C2CD3: variants seen among roughly 807,000 people sequenced by gnomAD.
C2CD3 encodes the protein C2 domain-containing protein 3.
A neutral mutation model predicts 234.0 loss-of-function variants in C2CD3; 148 were observed. The ratio of observed to expected loss-of-function variants is 0.63; its 90% confidence interval spans 0.55 to 0.72. The LOEUF (loss-of-function observed/expected upper bound fraction) is 0.72. Among genes scored for constraint, C2CD3 ranks in the 30% least tolerant of loss-of-function variants. The probability of loss-of-function intolerance (pLI) is 0.00; values close to 1 mark genes in which losing one functional copy is unlikely to be tolerated. For missense variants in C2CD3, 2,577 were observed against 2,811.5 expected (o/e 0.92, Z 1.89); for synonymous variants, 1,000 against 1,035.4 (o/e 0.97, Z 0.66).
chr11:74,116,939 C>CAT, intron 9 of C2CD3, among the ~76,000 whole-genome samples: 1 of 110,964 alleles, frequency 9.0e-6, no homozygotes, highest in Non-Finnish European at 1.8e-5. Flanking sequence ...TGTATATACA[C>CAT]ATATACACGT....
intron 32 of C2CD3, among the ~76,000 whole-genome samples, chr11:74,025,035 A>C (rs1415910517): frequency 6.6e-6 from 1 of 152,192 alleles, no homozygotes; most frequent in Non-Finnish European, 1.5e-5. Context: ...AAGGCTGAAA[A>C]GTATTATCTT....
intron 15 of C2CD3, among the ~76,000 whole-genome samples, chr11:74,100,246 T>C (rs561404050): frequency 1.3e-5 from 2 of 152,232 alleles, no homozygotes; most frequent in African/African-American, 4.8e-5. Context: ...TTAACTCATC[T>C]GTACAAAAAA....
chr11:74,099,405 A>G (rs1373653011), intron 15 of C2CD3, among the ~76,000 whole-genome samples: 1 of 152,192 alleles, frequency 6.6e-6, no homozygotes, highest in African/African-American at 2.4e-5. Flanking sequence ...TTAAAGGACA[A>G]ATTTCTTCAT....
intron 26 of C2CD3, among the ~76,000 whole-genome samples, chr11:74,051,399 A>G (rs1407584196): frequency 6.6e-6 from 1 of 152,166 alleles, no homozygotes; most frequent in Non-Finnish European, 1.5e-5. Flanking sequence ...ATTCTTACCC[A>G]CTGGGGATGA....
intron 26 of C2CD3, 136 bp downstream of exon 26, chr11:74,054,471 A>G: frequency 1.8e-6 from 1 of 546,818 alleles, no homozygotes; most frequent in South Asian, 2.9e-5. Context: ...ACATATCTGC[A>G]TTCCCAGCAC....
At chr11:74,045,087 T>A in intron 28 of C2CD3, among the ~76,000 whole-genome samples, 1 of 152,184 alleles carries the variant, frequency 6.6e-6, no homozygotes. Flanking sequence ...CATTTGAAGT[T>A]AATTTTTGTG....
At chr11:74,083,550 A>C (rs913935671) in intron 22 of C2CD3, among the ~76,000 whole-genome samples, 2 of 152,224 alleles carry the variant, frequency 1.3e-5, no homozygotes, top group Non-Finnish European at 2.9e-5. Context: ...CCATCTGACA[A>C]AGGGCTAATA....
At chr11:74,053,898 CGGCAGGAGAT>C (rs1953821731) in intron 26 of C2CD3, among the ~76,000 whole-genome samples, 1 of 120,560 alleles carries the variant, frequency 8.3e-6, no homozygotes, top group African/African-American at 6.9e-5. Context: ...CAGGAGATTG[CGGCAGGAGAT>C]TGCTTGAGCC....
intron 4 of C2CD3, 38 bp from the exon 5 acceptor site, chr11:74,139,005 A>C (rs1009689413): frequency 6.5e-7 from 1 of 1,541,356 alleles, no homozygotes; most frequent in East Asian, 2.2e-5. Flanking sequence ...GCAATATATA[A>C]TCTATTATGG....
intron 2 of C2CD3, among the ~76,000 whole-genome samples, chr11:74,167,738 A>T (rs2135577370): frequency 6.6e-6 from 1 of 152,400 alleles, no homozygotes; most frequent in East Asian, 1.9e-4. Context: ...GAAGTAACAT[A>T]GTACACTCAG....
intron 1 of C2CD3, among the ~76,000 whole-genome samples, chr11:74,169,665 T>C (rs1857032886): frequency 6.6e-6 from 1 of 152,098 alleles, no homozygotes; most frequent in Admixed American, 6.5e-5. Context: ...TAGCAAAAAG[T>C]GTATTCTGTT....
intron 25 of C2CD3, among the ~76,000 whole-genome samples, chr11:74,055,637 C>T (rs1953918162): frequency 6.6e-6 from 1 of 152,234 alleles, no homozygotes; most frequent in Admixed American, 6.5e-5. Flanking sequence ...CTGCTATTAT[C>T]ACCTGAGTGA....
At chr11:74,155,539 C>T (rs1855953678) in intron 3 of C2CD3, among the ~76,000 whole-genome samples, 1 of 152,004 alleles carries the variant, frequency 6.6e-6, no homozygotes, top group African/African-American at 2.4e-5. Context: ...ATATCCATAT[C>T]GTCAAGTATT....
rs561827912 is a variant in C2CD3 at position 74,098,385 on chromosome 11, A to C, written c.2733-130T>G. The C allele has an allele frequency of 7.6e-6, 7 of 925,980 alleles. No individual in the cohort carries two copies. In the African/African-American group the frequency reaches 1.2e-4, roughly 15 times the overall value. 57.4% of individuals were successfully genotyped at this position (925,980 alleles called of 1,614,324 possible). A position where few individuals can be genotyped will look rare whatever the true frequency, so the allele number is the denominator to read the frequency against. On this transcript the variant is annotated intron_variant, in intron 15 of 32. Coordinates refer to ENST00000334126, the MANE Select transcript of C2CD3 (RefSeq NM_001286577.2). ...AACTGGAAAAGTAATAGTGGTTTTA[A>C]AAAATGTGTGCATCTGTCAGTAACC... is the stretch of plus-strand genomic sequence containing the variant.
Position 74,048,189 on chromosome 11 carries a change from T to C in C2CD3, c.5495+16A>G. The C allele has an allele frequency of 6.2e-7, 1 of 1,611,638 alleles. No homozygotes were observed. On this transcript the variant is annotated intron_variant, in intron 28 of 32. Coordinates refer to ENST00000334126, the MANE Select transcript of C2CD3 (RefSeq NM_001286577.2). Reference sequence around the variant, plus strand: ...TTTTTAACCCCATTTCTTCTCATCATCAAGAATTCACTCACCTCCCAGGAG... The same window carrying C: ...TTTTTAACCCCATTTCTTCTCATCACCAAGAATTCACTCACCTCCCAGGAG...
chr11:74,059,859 C>T (rs573536955), intron 24 of C2CD3, among the ~76,000 whole-genome samples: 1 of 152,244 alleles, frequency 6.6e-6, no homozygotes, highest in East Asian at 1.9e-4. Context: ...GGGGAATTCC[C>T]TTTCCTGGCA....
At chr11:74,090,776 A>C (rs572666345) in intron 20 of C2CD3, 37 bp downstream of exon 20, 2 of 1,613,058 alleles carry the variant, frequency 1.2e-6, no homozygotes, top group Non-Finnish European at 1.7e-6. Context: ...ATTGCAGTGT[A>C]AAAGGCTTGA....
At chr11:74,040,795 G>T (rs1288475678) in intron 29 of C2CD3, among the ~76,000 whole-genome samples, 1 of 151,852 alleles carries the variant, frequency 6.6e-6, no homozygotes, top group Non-Finnish European at 1.5e-5. Context: ...AAAAAAGCCG[G>T]AAGCCGCAGT....
chr11:74,050,623 A>G (rs1227686129), intron 26 of C2CD3, among the ~76,000 whole-genome samples: 1 of 152,206 alleles, frequency 6.6e-6, no homozygotes, highest in African/African-American at 2.4e-5. Context: ...AGGAATGCAT[A>G]TTTTCCAGAG....
Sources: allele counts gnomAD v4.1 joint callset (sites outside exome capture counted in the v4.1 genomes callset), GRCh38; gene constraint gnomAD v4.1.1; transcripts MANE v1.5; gene names NCBI Gene and HGNC (gene_info 2026-07-23, HGNC 2026-07-21).